TMEM268: variants seen among roughly 807,000 people sequenced by gnomAD.
The protein encoded by TMEM268 is transmembrane protein C9orf91.
In TMEM268, 24 loss-of-function variants were observed where a neutral mutation model predicts 39.1. That is an observed-to-expected ratio of 0.61 (90% CI 0.44 to 0.86). TMEM268 has a LOEUF of 0.86. Among genes scored for constraint, TMEM268 ranks in the 40% least tolerant of loss-of-function variants. The pLI, the probability that TMEM268 is intolerant of heterozygous loss-of-function variation, is 0.00. For missense variants in TMEM268, 409 were observed against 428.6 expected (o/e 0.95, Z 0.40); for synonymous variants, 176 against 173.5 (o/e 1.01, Z -0.12).
intron 5 of TMEM268, among the ~76,000 whole-genome samples, chr9:114,632,094 T>G (rs1334498414): frequency 2.3e-5 from 3 of 128,782 alleles, no homozygotes; most frequent in African/African-American, 9.1e-5. Flanking sequence ...CGAGACTAGG[T>G]CTCCAAAAAA....
chr9:114,639,139 A>AT (rs376643788), intron 8 of TMEM268, among the ~76,000 whole-genome samples: 192 of 151,286 alleles, frequency 1.3e-3, no homozygotes, highest in African/African-American at 4.3e-3. Context: ...TCTTCTTTGA[A>AT]TTTTTTTTTG....
At position 114,616,217 on chromosome 9, in the gene TMEM268, A is replaced by G. The variant is rs890334923; in HGVS notation, c.-78-901A>G. On this transcript the variant is annotated intron_variant, in intron 1 of 8. Transcript: ENST00000288502. The stretch of plus-strand genomic sequence containing the variant: ...TTTTTAGTAGAGACGGGGTTTCCCC[A>G]TGTTAGCCAGGATGGTCTCGATCTC... Among the ~76,000 whole-genome samples the G allele has an allele frequency of 4.0e-5, 6 of 150,078 alleles. No homozygotes were observed. In the South Asian group the frequency reaches 8.4e-4, roughly 21 times the overall value.
intron 2 of TMEM268, among the ~76,000 whole-genome samples, chr9:114,620,926 C>CAA (rs142018561): frequency 3.3e-4 from 49 of 149,920 alleles, no homozygotes; most frequent in Admixed American, 1.3e-3. Flanking sequence ...CCACCACTTC[C>CAA]AAAAAAAAAC....
At chr9:114,637,125 G>T (rs992866692) in intron 7 of TMEM268, 55 bp downstream of exon 7, 3 of 1,151,966 alleles carry the variant, frequency 2.6e-6, no homozygotes, top group South Asian at 2.5e-5. Flanking sequence ...AAGTTGTATC[G>T]ATTTCATTAT....
chr9:114,627,131 T>A (rs1464293602), intron 4 of TMEM268, 125 bp downstream of exon 4: 3 of 639,040 alleles, frequency 4.7e-6, no homozygotes, highest in Non-Finnish European at 8.5e-6. Flanking sequence ...CCCAGGTGCC[T>A]GGAAACGAGC....
In TMEM268 at chr9:114,637,143, G is replaced by A. The variant is rs1188424333; in HGVS notation, c.666+73G>A. 4.0e-6 allele frequency: 4 copies of A among 990,292 alleles called. No individual in the cohort carries two copies. The African/African-American group carries it at 4.8e-5, about 12-fold the overall frequency. 61.3% of individuals were successfully genotyped at this position (990,292 alleles called of 1,614,324 possible). The stretch of plus-strand genomic sequence containing the variant: ...TTGTATCGATTTCATTATCTTAAGG[G>A]TGGGAAAATGTCTGAGAAAAAGTTA... On this transcript the variant is annotated intron_variant, in intron 7 of 8. Coordinates refer to ENST00000288502, the MANE Select transcript of TMEM268 (RefSeq NM_153045.4).
In TMEM268 at chr9:114,638,636, T is replaced by C; in HGVS notation, c.759T>C (p.Asp253=). 6.2e-7 allele frequency: 1 copy of C among 1,610,350 alleles called. No individual in the cohort carries two copies. The highest frequency in any genetic ancestry group is 1.1e-5 in the South Asian group (1 of 90,224). Residue 253 remains aspartate, a synonymous_variant, in exon 8 of 9, where the codon GAT becomes GAC. Coordinates refer to ENST00000288502, the MANE Select transcript of TMEM268 (RefSeq NM_153045.4). ...CGGAGGGGCCTGAGAACTTGGAGGA[T>C]GCTCCTCTCCTGCCCGGCAATTCTT... ...ATAEGPENLE[D]APLLPGNSCP...
chr9:114,624,256 T>C (rs910224478), intron 2 of TMEM268, 94 bp from the exon 3 acceptor site: 9 of 1,517,110 alleles, frequency 5.9e-6, no homozygotes, highest in Non-Finnish European at 8.0e-6. Flanking sequence ...GAGGTTCTCA[T>C]GGCCAGAGGT....
In TMEM268 at chr9:114,629,077, A is replaced by T. The variant is rs114342192; in HGVS notation, c.474+827A>T. Among the ~76,000 whole-genome samples the T allele has an allele frequency of 4.2e-3, 642 of 152,346 alleles. 9 individuals are homozygous for T. Among genetic ancestry groups the T allele is most frequent in the African/African-American group, 0.015 (611 of 41,576 alleles). On this transcript the variant is annotated intron_variant, in intron 5 of 8. Coordinates refer to ENST00000288502, the MANE Select transcript of TMEM268 (RefSeq NM_153045.4). ...TAGAGTAGCCCTGGCCATGCTGCTA[A>T]TAAATGCCAGAGTTGGAAATCAAGG... is the stretch of plus-strand genomic sequence containing the variant.
chr9:114,625,746 T>G (rs1234333727), intron 3 of TMEM268, among the ~76,000 whole-genome samples: 1 of 151,450 alleles, frequency 6.6e-6, no homozygotes, highest in Non-Finnish European at 1.5e-5. Context: ...CCTGGCAGAT[T>G]GGGTTTTCTT....
chr9:114,622,566 C>T, intron 2 of TMEM268: 2 of 936,972 alleles, frequency 2.1e-6, no homozygotes, highest in South Asian at 9.8e-5. Flanking sequence ...CCAGACTTTT[C>T]TCTCCAGCTG....
At chr9:114,639,337 A>G (rs1362145031) in intron 8 of TMEM268, among the ~76,000 whole-genome samples, 2 of 151,986 alleles carry the variant, frequency 1.3e-5, no homozygotes, top group East Asian at 1.9e-4. Flanking sequence ...GGGTTTTGCC[A>G]TGTTGCCCAG....
chr9:114,630,025 A>G (rs1327553523), intron 5 of TMEM268, among the ~76,000 whole-genome samples: 1 of 152,214 alleles, frequency 6.6e-6, no homozygotes, highest in Non-Finnish European at 1.5e-5. Flanking sequence ...TGTTTTAGTT[A>G]GCAGGAGCAA....
chr9:114,626,241 G>T (rs1025968382), intron 3 of TMEM268, among the ~76,000 whole-genome samples: 2 of 152,320 alleles, frequency 1.3e-5, no homozygotes, highest in Admixed American at 6.5e-5. Flanking sequence ...GGGATTACAG[G>T]TGTGAGACAC....
intron 2 of TMEM268, among the ~76,000 whole-genome samples, chr9:114,620,108 G>A (rs12379811): frequency 0.44 from 66,214 of 151,806 alleles, 14,689 homozygotes; most frequent in Admixed American, 0.51. Flanking sequence ...CCAGCTACCC[G>A]GGAGGCTGAG....
upstream of TMEM268, among the ~76,000 whole-genome samples, chr9:114,610,335 A>T (rs1211674730): frequency 6.6e-6 from 1 of 152,178 alleles, no homozygotes; most frequent in Non-Finnish European, 1.5e-5. Flanking sequence ...CACCGCGCCC[A>T]GCCTGTAATG....
rs552235383 is a variant in TMEM268 at position 114,640,056 on chromosome 9, TA to T, written c.849+1342del. 4.4e-3 allele frequency among the ~76,000 whole-genome samples: 626 copies of T among 140,738 alleles called. 13 individuals are homozygous for T. The East Asian group carries it at 0.046, about 10-fold the overall frequency. The allele number at this position is 140,738 out of a possible 152,430, so 92.3% of individuals were successfully genotyped here. On this transcript the variant is annotated intron_variant, in intron 8 of 8. Coordinates refer to ENST00000288502, the MANE Select transcript of TMEM268 (RefSeq NM_153045.4). ...TGAGCACTGTGCCCTGCCAAAATATTAAAAAAAAAAAAGAGAGAAATGATAA... is the reference window on the plus strand; with the variant it reads ...TGAGCACTGTGCCCTGCCAAAATATTAAAAAAAAAAAGAGAGAAATGATAA...
rs1011598901 is a variant in TMEM268 at position 114,617,440 on chromosome 9, T to C, written c.106+139T>C. On this transcript the variant is annotated intron_variant, in intron 2 of 8. Coordinates refer to ENST00000288502, the MANE Select transcript of TMEM268 (RefSeq NM_153045.4). ...TTCTGTCATTTTTACCAGTTCTGTCTCTTGGCCTTAGACCAAGCCACCATC... is the reference window on the plus strand; with the variant it reads ...TTCTGTCATTTTTACCAGTTCTGTCCCTTGGCCTTAGACCAAGCCACCATC... The C allele has an allele frequency of 8.4e-6, 6 of 716,684 alleles. No homozygotes were observed. In the Admixed American group the frequency reaches 1.3e-4, roughly 16 times the overall value. The allele number at this position is 716,684 out of a possible 1,614,324, so 44.4% of individuals were successfully genotyped here.
rs118135810 is a variant in TMEM268, at chr9:114,629,826, C to T, written c.474+1576C>T. Among the ~76,000 whole-genome samples the T allele has an allele frequency of 3.8e-3, 571 of 152,262 alleles. 22 individuals are homozygous for T. The East Asian group carries it at 0.055, about 15-fold the overall frequency. ...TTAGTGCGTGTGTTCACGAGACAAACGGGAACTATATGGTGTACTCATTCT... is the reference window on the plus strand; with the variant it reads ...TTAGTGCGTGTGTTCACGAGACAAATGGGAACTATATGGTGTACTCATTCT... On this transcript the variant is annotated intron_variant, in intron 5 of 8. Coordinates refer to ENST00000288502, the MANE Select transcript of TMEM268 (RefSeq NM_153045.4).
Sources: gnomAD v4.1 joint callset for allele counts (sites outside exome capture counted in the v4.1 genomes callset) on GRCh38, gnomAD v4.1.1 for gene constraint, MANE v1.5 for transcripts, NCBI Gene and HGNC (gene_info 2026-07-23, HGNC 2026-07-21) for gene names.